BFSP2: variants seen among roughly 807,000 people sequenced by gnomAD.
BFSP2 encodes beaded filament structural protein 2.
A neutral mutation model predicts 44.9 loss-of-function variants in BFSP2; 38 were observed. The ratio of observed to expected loss-of-function variants is 0.85; its 90% CI spans 0.65 to 1.11. The LOEUF is 1.11. Among genes scored for constraint, BFSP2 ranks in the 50% least tolerant of loss-of-function variants. BFSP2 has a pLI of 0.00. For synonymous variants in BFSP2, 197 were observed against 209.9 expected, an observed-to-expected ratio of 0.94 and a Z score of 0.53; for missense variants, 525 against 533.0, an observed-to-expected ratio of 0.99 and a Z score of 0.15.
In BFSP2 at chr3:133,466,737, G is replaced by T. The variant is rs2074114091; in HGVS notation, c.892-91G>T. ...ACAGCTGTATTTCCTCTGGTTAGAG[G>T]CAGTGGAGTGGTGATTAGAAAGGCT... On this transcript the variant is annotated intron_variant, in intron 4 of 6. Transcript: ENST00000302334. 5 of 1,194,006 alleles carry T rather than the reference G, an allele frequency of 4.2e-6. No individual in the cohort carries two copies. The African/African-American group carries it at 4.6e-5, about 11-fold the overall frequency. 74.0% of individuals were successfully genotyped at this position (1,194,006 alleles called of 1,614,324 possible). A position where few individuals can be genotyped will look rare whatever the true frequency, so the allele number is the denominator to read the frequency against.
intron 1 of BFSP2, among the ~76,000 whole-genome samples, chr3:133,439,932 G>C (rs73211879): frequency 0.037 from 5,620 of 152,146 alleles, 129 homozygotes; most frequent in Non-Finnish European, 0.052. Flanking sequence ...GACAGACAGA[G>C]AGAGAGAGAG....
At chr3:133,449,501 TTTG>T (rs2073936421) in intron 3 of BFSP2, among the ~76,000 whole-genome samples, 1 of 4,838 alleles carries the variant, frequency 2.1e-4, no homozygotes, top group African/African-American at 2.5e-4. Flanking sequence ...CATGTGGTTT[TTTG>T]TTTGTTTGTT....
At chr3:133,432,415 T>C (rs2073732017) in intron 1 of BFSP2, among the ~76,000 whole-genome samples, 1 of 152,208 alleles carries the variant, frequency 6.6e-6, no homozygotes, top group South Asian at 2.1e-4. Flanking sequence ...CCAGCCTCTC[T>C]CTGCTTTCAC....
chr3:133,405,528 GA>G (rs151149633), intron 1 of BFSP2, among the ~76,000 whole-genome samples: 1 of 146,538 alleles, frequency 6.8e-6, no homozygotes, highest in Non-Finnish European at 1.5e-5. Context: ...TCTCTTTTTA[GA>G]AAAAAAAAAC....
intron 1 of BFSP2, among the ~76,000 whole-genome samples, chr3:133,431,841 A>G (rs904477485): frequency 6.6e-6 from 1 of 151,510 alleles, no homozygotes; most frequent in African/African-American, 2.4e-5. Context: ...CCTTTTAAGC[A>G]CTCCTTTTTA....
intron 1 of BFSP2, among the ~76,000 whole-genome samples, chr3:133,438,291 C>T (rs1006768140): frequency 4.4e-4 from 67 of 152,224 alleles, no homozygotes; most frequent in African/African-American, 1.6e-3. Context: ...CTTTGGGAGG[C>T]CAAGGCAGGC....
chr3:133,472,393 A>C lies in BFSP2; in HGVS notation c.1072A>C (p.Met358Leu). Residue 358 changes from methionine (M) to leucine (L), a missense_variant, in exon 6 of 7, where the codon ATG (methionine) becomes CTG (leucine). By Grantham distance (15) the Met-to-Leu change is conservative. Transcript: ENST00000302334. ...GCACGATGCCAAGCACTGGCATGACATGGAGCTCCAGAACCTGGGCGCTGT... is the reference window on the plus strand; with the variant it reads ...GCACGATGCCAAGCACTGGCATGACCTGGAGCTCCAGAACCTGGGCGCTGT... ...TLHDAKHWHDMELQNLGAVVG... is the reference protein window; with the variant it reads ...TLHDAKHWHDLELQNLGAVVG... The C allele has an allele frequency of 6.2e-7, 1 of 1,614,070 alleles. No individual in the cohort carries two copies. The highest frequency in any genetic ancestry group is 8.5e-7 in the Non-Finnish European group (1 of 1,179,994).
chr3:133,431,613 C>A (rs1482886544), intron 1 of BFSP2, among the ~76,000 whole-genome samples: 2 of 152,188 alleles, frequency 1.3e-5, no homozygotes, highest in Non-Finnish European at 2.9e-5. Flanking sequence ...GCCCGATCGC[C>A]TCAGAAGCCC....
rs1366268981 is a variant in BFSP2 at position 133,400,122 on chromosome 3, T to C, written c.39T>C (p.Ser13=). ...ERRVVVDLPT[S]ASSSMPLQRR... is the part of the protein sequence containing the mutation. ...GAGTGGTAGTGGACTTGCCCACCAGTGCCAGCTCCAGCATGCCCCTCCAGA... is the reference window on the plus strand; with the variant it reads ...GAGTGGTAGTGGACTTGCCCACCAGCGCCAGCTCCAGCATGCCCCTCCAGA... Residue 13 remains serine, a synonymous_variant, in exon 1 of 7, where the codon AGT becomes AGC. Transcript: ENST00000302334. The surrounding 1 kb of genome is among the most constrained non-coding windows in gnomAD (Gnocchi z 4.0). The C allele has an allele frequency of 6.2e-7, 1 of 1,614,120 alleles. No individual in the cohort carries two copies. The highest frequency in any genetic ancestry group is 2.2e-5 in the East Asian group (1 of 44,878).
intron 1 of BFSP2, among the ~76,000 whole-genome samples, chr3:133,436,653 C>T (rs376155632): frequency 5.3e-5 from 8 of 152,006 alleles, no homozygotes; most frequent in African/African-American, 1.5e-4. Flanking sequence ...CTGTGCACAA[C>T]GTGCAGGTTT....
chr3:133,409,564 T>C (rs769985935), intron 1 of BFSP2, among the ~76,000 whole-genome samples: 2 of 152,160 alleles, frequency 1.3e-5, no homozygotes, highest in Non-Finnish European at 2.9e-5. Flanking sequence ...GGGGGGCTCC[T>C]TGTAGAAATG....
At chr3:133,458,762 T>C (rs1174771223) in intron 4 of BFSP2, among the ~76,000 whole-genome samples, 1 of 152,154 alleles carries the variant, frequency 6.6e-6, no homozygotes. Flanking sequence ...CTTATCTTCT[T>C]ATGTTGTGTG....
chr3:133,469,330 G>T (rs554474778), intron 5 of BFSP2, among the ~76,000 whole-genome samples: 1 of 152,232 alleles, frequency 6.6e-6, no homozygotes, highest in South Asian at 2.1e-4. Flanking sequence ...TATTCTGTCA[G>T]AGCGATCTGT....
chr3:133,440,379 C>T (rs2073833710), intron 1 of BFSP2, among the ~76,000 whole-genome samples: 1 of 152,206 alleles, frequency 6.6e-6, no homozygotes, highest in Non-Finnish European at 1.5e-5. Flanking sequence ...GTCAGAATCA[C>T]TGTATCTGGA....
intron 1 of BFSP2, among the ~76,000 whole-genome samples, chr3:133,440,732 C>T (rs1226152769): frequency 6.6e-6 from 1 of 152,280 alleles, no homozygotes; most frequent in East Asian, 1.9e-4. Flanking sequence ...ATCCTGTTTG[C>T]CCAACAATGG....
chr3:133,467,880 AAAGGATCT>A (rs2074126853), intron 5 of BFSP2, among the ~76,000 whole-genome samples: 2 of 152,178 alleles, frequency 1.3e-5, no homozygotes, highest in Non-Finnish European at 2.9e-5. Flanking sequence ...ATGTATAAGA[AAAGGATCT>A]GAGGATCTGA....
chr3:133,440,356 T>C (rs998548454), intron 1 of BFSP2, among the ~76,000 whole-genome samples: 2 of 152,206 alleles, frequency 1.3e-5, no homozygotes, highest in African/African-American at 4.8e-5. Context: ...GCTGGCTGTC[T>C]AAATAGATCC....
At chr3:133,404,638 T>C (rs2073389305) in intron 1 of BFSP2, among the ~76,000 whole-genome samples, 3 of 152,162 alleles carry the variant, frequency 2.0e-5, no homozygotes, top group Non-Finnish European at 4.4e-5. Context: ...GGAAATTAAA[T>C]AGCAGATAAA....
intron 4 of BFSP2, among the ~76,000 whole-genome samples, chr3:133,452,953 A>G (rs2073979293): frequency 2.0e-5 from 3 of 152,240 alleles, no homozygotes; most frequent in Admixed American, 2.0e-4. Context: ...TTGGAGAATC[A>G]TCACTAGCCC....
Sources: allele counts gnomAD v4.1 joint callset (sites outside exome capture counted in the v4.1 genomes callset), GRCh38; gene constraint gnomAD v4.1.1; non-coding constraint Gnocchi (gnomAD v3.1); transcripts MANE v1.5; gene names NCBI Gene and HGNC (gene_info 2026-07-23, HGNC 2026-07-21).